Variants in ASTN2 observed in about 807,000 individuals in gnomAD.
ASTN2 encodes the protein astrotactin-2.
In ASTN2, 54 loss-of-function variants were observed where a neutral mutation model predicts 139.8. That is an observed-to-expected ratio of 0.39 (90% CI 0.31 to 0.48). ASTN2 has a LOEUF of 0.48. Among genes scored for constraint, ASTN2 ranks in the 20% least tolerant of loss-of-function variants. The pLI is 0.95. For missense variants in ASTN2, 1,565 were observed against 1,725.1 expected, an observed-to-expected ratio of 0.91 and a Z score of 1.64; for synonymous variants, 756 against 719.5, an observed-to-expected ratio of 1.05 and a Z score of -0.81.
chr9:117,036,591 C>G (rs1455389121), intron 6 of ASTN2, among the ~76,000 whole-genome samples: 2 of 152,186 alleles, frequency 1.3e-5, no homozygotes, highest in Non-Finnish European at 2.9e-5. Flanking sequence ...GGAATATTCT[C>G]TCCCTTCATC....
intron 2 of ASTN2, among the ~76,000 whole-genome samples, chr9:117,276,444 C>A (rs905253257): frequency 1.5e-4 from 23 of 152,200 alleles, no homozygotes; most frequent in African/African-American, 5.5e-4. Context: ...TGACCCTCAT[C>A]TCCCCCCAGA....
intron 10 of ASTN2, among the ~76,000 whole-genome samples, chr9:116,876,865 GT>G (rs1833316831): frequency 6.6e-6 from 1 of 152,176 alleles, no homozygotes; most frequent in African/African-American, 2.4e-5. Flanking sequence ...AAAAGTATTT[GT>G]GCAATTCACT....
intron 16 of ASTN2, among the ~76,000 whole-genome samples, chr9:116,722,638 A>T (rs1828504067): frequency 6.6e-6 from 1 of 152,174 alleles, no homozygotes; most frequent in African/African-American, 2.4e-5. Flanking sequence ...TAATGGGGGA[A>T]GTGAGTACCC....
chr9:116,429,667 G>A (rs1197055920), intron 22 of ASTN2, among the ~76,000 whole-genome samples: 4 of 152,158 alleles, frequency 2.6e-5, no homozygotes, highest in Admixed American at 2.6e-4. Flanking sequence ...ATCATTAGGT[G>A]TATTTTGTGT....
chr9:117,314,856 G>A (rs954893311), intron 1 of ASTN2, among the ~76,000 whole-genome samples: 6 of 143,710 alleles, frequency 4.2e-5, no homozygotes, highest in African/African-American at 1.0e-4. Flanking sequence ...ATAAGTATAC[G>A]TAATATTATA....
At chr9:117,184,711 T>C (rs954690759) in intron 3 of ASTN2, among the ~76,000 whole-genome samples, 5 of 152,180 alleles carry the variant, frequency 3.3e-5, no homozygotes, top group Non-Finnish European at 4.4e-5. Flanking sequence ...GCAAGTCATA[T>C]GGCACTGAGT....
chr9:116,994,674 T>G (rs1836960260), intron 7 of ASTN2, among the ~76,000 whole-genome samples: 2 of 152,348 alleles, frequency 1.3e-5, no homozygotes, highest in Admixed American at 6.5e-5. Context: ...TTAATTTAAA[T>G]GGCCAATAAT....
At chr9:116,632,252 G>GGAAGGAAA (rs1554723352) in intron 17 of ASTN2, among the ~76,000 whole-genome samples, 34 of 70,926 alleles carry the variant, frequency 4.8e-4, no homozygotes, top group Admixed American at 1.6e-3. Flanking sequence ...AAAGAAAGAA[G>GGAAGGAAA]GAAAGAAAGA....
intron 19 of ASTN2, among the ~76,000 whole-genome samples, chr9:116,593,322 G>C (rs570491068): frequency 2.0e-5 from 3 of 152,334 alleles, no homozygotes; most frequent in African/African-American, 7.2e-5. Context: ...TACAGGGCTT[G>C]ATGGATGAAG....
chr9:116,504,765 G>A (rs999925477), intron 19 of ASTN2, among the ~76,000 whole-genome samples: 3 of 151,674 alleles, frequency 2.0e-5, no homozygotes, highest in Non-Finnish European at 4.4e-5. Flanking sequence ...GTGTTGTATC[G>A]TGCATCTGTA....
At chr9:116,899,459 C>A (rs1833956256) in intron 10 of ASTN2, among the ~76,000 whole-genome samples, 1 of 152,092 alleles carries the variant, frequency 6.6e-6, no homozygotes. Flanking sequence ...AAATTTCCTC[C>A]CCACAAAATA....
chr9:116,548,347 G>A (rs983804709), intron 19 of ASTN2, among the ~76,000 whole-genome samples: 4 of 152,174 alleles, frequency 2.6e-5, no homozygotes, highest in Admixed American at 2.0e-4. Flanking sequence ...CTCTGGACAT[G>A]ACCCTGACCA....
rs951486423 is a variant in ASTN2, at chr9:116,804,079, T to C, written c.2396+1553A>G. Among the ~76,000 whole-genome samples the C allele has an allele frequency of 2.6e-5, 4 of 152,042 alleles. No individual in the cohort carries two copies. The East Asian group carries it at 7.7e-4, about 29-fold the overall frequency. Reference sequence around the variant, plus strand: ...GGGGCCATTTCTATCTCCTTTTCCATCTTATGCCCAATAACCAGCATGGTA... The same window carrying C: ...GGGGCCATTTCTATCTCCTTTTCCACCTTATGCCCAATAACCAGCATGGTA... On this transcript the variant is annotated intron_variant, in intron 13 of 22. Coordinates refer to ENST00000313400, the MANE Select transcript of ASTN2 (RefSeq NM_001365068.1).
chr9:117,090,092 T>C (rs540481111), intron 5 of ASTN2, among the ~76,000 whole-genome samples: 1 of 152,294 alleles, frequency 6.6e-6, no homozygotes, highest in East Asian at 1.9e-4. Context: ...GTTTCATGGG[T>C]GAAATCTGAA....
intron 17 of ASTN2, 123 bp downstream of exon 17, chr9:116,651,405 A>G: frequency 9.0e-7 from 1 of 1,106,090 alleles, no homozygotes; most frequent in African/African-American, 1.6e-5. Context: ...AAATGCTAGT[A>G]ATCACCATGA....
chr9:116,804,403 C>T (rs1475780518), intron 13 of ASTN2, among the ~76,000 whole-genome samples: 2 of 152,078 alleles, frequency 1.3e-5, no homozygotes, highest in Non-Finnish European at 2.9e-5. Flanking sequence ...ATTATCTTGG[C>T]TCTCCTACTT....
chr9:116,801,585 C>CAAAAAAAAAA (rs397893932), intron 13 of ASTN2, among the ~76,000 whole-genome samples: 28 of 60,370 alleles, frequency 4.6e-4, no homozygotes, highest in Non-Finnish European at 7.1e-4. Flanking sequence ...GGCTCTGTCT[C>CAAAAAAAAAA]AAAAAAAAAA....
intron 10 of ASTN2, among the ~76,000 whole-genome samples, chr9:116,905,380 G>A (rs16934045): frequency 0.017 from 2,566 of 152,228 alleles, 63 homozygotes; most frequent in African/African-American, 0.059. Flanking sequence ...TGACGAATCC[G>A]CCAAGAAAGC....
At chr9:117,120,018 G>GTGTGTGTATATATATATATATA (rs1306397698) in intron 4 of ASTN2, among the ~76,000 whole-genome samples, 17 of 45,988 alleles carry the variant, frequency 3.7e-4, no homozygotes, top group East Asian at 1.2e-3. Flanking sequence ...GTGTGTGTGT[G>GTGTGTGTATATATATATATATA]TATATATATA....
Sources: allele counts gnomAD v4.1 joint callset (sites outside exome capture counted in the v4.1 genomes callset), GRCh38; gene constraint gnomAD v4.1.1; transcripts MANE v1.5; gene names NCBI Gene and HGNC (gene_info 2026-07-23, HGNC 2026-07-21).